The following SCHIP1 variants were observed in gnomAD, a reference collection of about 807,000 sequenced individuals.
SCHIP1 encodes schwannomin interacting protein 1.
SCHIP1 carries 8 observed loss-of-function variants against 29.7 expected under a neutral mutation model. The ratio of observed to expected loss-of-function variants is 0.27; its 90% CI spans 0.16 to 0.49. The LOEUF is 0.49. Among genes scored for constraint, SCHIP1 ranks in the 20% least tolerant of loss-of-function variants. The probability of loss-of-function intolerance (pLI) is 0.99; values close to 1 mark genes in which losing one functional copy is unlikely to be tolerated. For synonymous variants in SCHIP1, 76 were observed against 94.9 expected, an observed-to-expected ratio of 0.80 and a Z score of 1.16; for missense variants, 193 against 294.6, an observed-to-expected ratio of 0.66 and a Z score of 2.52.
At chr3:159,429,481 T>A in the SCHIP1 span, among the ~76,000 whole-genome samples, 2 of 152,138 alleles carry the variant, frequency 1.3e-5, no homozygotes, top group African/African-American at 4.8e-5. Flanking sequence ...TTCCAATAAA[T>A]TATCCTATTT....
the SCHIP1 span, among the ~76,000 whole-genome samples, chr3:159,514,218 AG>A: frequency 6.6e-6 from 1 of 152,198 alleles, no homozygotes; most frequent in Admixed American, 6.5e-5. Flanking sequence ...TGCGTCGGAA[AG>A]GCCTGTCCAT....
the SCHIP1 span, among the ~76,000 whole-genome samples, chr3:159,355,780 G>A: frequency 6.6e-6 from 1 of 151,428 alleles, no homozygotes; most frequent in East Asian, 1.9e-4. Flanking sequence ...AATTTGACCT[G>A]GACAATTTAA....
At chr3:159,385,593 A>C in the SCHIP1 span, among the ~76,000 whole-genome samples, 1 of 149,342 alleles carries the variant, frequency 6.7e-6, no homozygotes, top group African/African-American at 2.5e-5. Context: ...AAAAAACCAA[A>C]AAAAAAAAAA....
At chr3:159,631,952 T>C in the SCHIP1 span, among the ~76,000 whole-genome samples, 1 of 152,214 alleles carries the variant, frequency 6.6e-6, no homozygotes, top group African/African-American at 2.4e-5. Context: ...CTTATTTGTA[T>C]TCTTTTTTCC....
At chr3:159,713,225 A>AGAGAGAGAAAGG in the SCHIP1 span, among the ~76,000 whole-genome samples, 1 of 117,276 alleles carries the variant, frequency 8.5e-6, no homozygotes, top group African/African-American at 3.6e-5. Context: ...AGAGAGAGAG[A>AGAGAGAGAAAGG]AAGAAAGGAA....
chr3:159,867,999 G>A (rs954112351), intron 2 of SCHIP1, among the ~76,000 whole-genome samples: 1 of 143,052 alleles, frequency 7.0e-6, no homozygotes, highest in African/African-American at 2.7e-5. Context: ...ATAAATCAAT[G>A]ATTTATATAT....
the SCHIP1 span, among the ~76,000 whole-genome samples, chr3:159,475,331 A>G: frequency 6.6e-6 from 1 of 152,178 alleles, no homozygotes; most frequent in Non-Finnish European, 1.5e-5. Flanking sequence ...ATAGAAGACC[A>G]CATATTGTAT....
chr3:159,728,169 T>G, the SCHIP1 span, among the ~76,000 whole-genome samples: 5 of 152,246 alleles, frequency 3.3e-5, no homozygotes, highest in African/African-American at 9.6e-5. Flanking sequence ...TGCCAGTGGG[T>G]GGGTAGATTA....
the SCHIP1 span, among the ~76,000 whole-genome samples, chr3:159,688,230 G>T: frequency 1.3e-5 from 2 of 152,132 alleles, no homozygotes; most frequent in African/African-American, 4.8e-5. Flanking sequence ...GTGTAAAAGT[G>T]TTCCTATTTC....
At chr3:159,479,843 T>C in the SCHIP1 span, among the ~76,000 whole-genome samples, 1 of 152,182 alleles carries the variant, frequency 6.6e-6, no homozygotes, top group Non-Finnish European at 1.5e-5. Flanking sequence ...ATGGAGCCTC[T>C]ATAATGTGCA....
chr3:159,632,250 T>C, the SCHIP1 span, among the ~76,000 whole-genome samples: 2 of 152,184 alleles, frequency 1.3e-5, no homozygotes, highest in African/African-American at 4.8e-5. Context: ...TGCAAAGCTT[T>C]AGCTCTGCGC....
At chr3:159,408,400 T>A in the SCHIP1 span, among the ~76,000 whole-genome samples, 790 of 147,688 alleles carry the variant, frequency 5.3e-3, 3 homozygotes, top group Non-Finnish European at 7.9e-3. Context: ...TTTGCAATGA[T>A]AAAAAAAAAA....
the SCHIP1 span, among the ~76,000 whole-genome samples, chr3:159,584,012 G>A: frequency 6.6e-6 from 1 of 152,090 alleles, no homozygotes; most frequent in Non-Finnish European, 1.5e-5. Context: ...ATACAAAGTA[G>A]GTTGCACATA....
At chr3:159,572,825 T>G in the SCHIP1 span, among the ~76,000 whole-genome samples, 562 of 152,340 alleles carry the variant, frequency 3.7e-3, 5 homozygotes, top group African/African-American at 0.013. Context: ...ATATTTAGGT[T>G]AGCTCTTCTT....
At chr3:159,306,692 A>G in the SCHIP1 span, 3 of 282,168 alleles carry the variant, frequency 1.1e-5, no homozygotes, top group Non-Finnish European at 1.6e-5. Flanking sequence ...TATGGAGAAG[A>G]TGTATATTTA....
chr3:159,277,015 C>T, the SCHIP1 span, among the ~76,000 whole-genome samples: 2 of 152,166 alleles, frequency 1.3e-5, no homozygotes, highest in African/African-American at 4.8e-5. Context: ...TCACACAGTG[C>T]CTGATTCCAT....
At chr3:159,537,534 T>C in the SCHIP1 span, among the ~76,000 whole-genome samples, 1 of 152,174 alleles carries the variant, frequency 6.6e-6, no homozygotes, top group Non-Finnish European at 1.5e-5. Context: ...TTTCTTATTA[T>C]AAATTTTTGC....
At chr3:159,276,110 C>CA in the SCHIP1 span, among the ~76,000 whole-genome samples, 1 of 151,892 alleles carries the variant, frequency 6.6e-6, no homozygotes, top group Non-Finnish European at 1.5e-5. Flanking sequence ...GATTTTAACC[C>CA]TTTTGGCACT....
chr3:159,519,280 A>T, the SCHIP1 span, among the ~76,000 whole-genome samples: 1 of 152,196 alleles, frequency 6.6e-6, no homozygotes, highest in Admixed American at 6.5e-5. Flanking sequence ...TAAGGAGAAG[A>T]TTTGTGGTCA....
Sources: allele counts gnomAD v4.1 joint callset (sites outside exome capture counted in the v4.1 genomes callset), GRCh38; gene constraint gnomAD v4.1.1; transcripts MANE v1.5; gene names NCBI Gene and HGNC (gene_info 2026-07-23, HGNC 2026-07-21).